The following AP5Z1 variants were observed in gnomAD, a reference collection of about 807,000 sequenced individuals.
AP5Z1 encodes adaptor related protein complex 5 subunit zeta 1.
Under a neutral mutation model 83.0 loss-of-function variants are expected in AP5Z1, and 106 were observed. The ratio of observed to expected loss-of-function variants is 1.28; its 90% confidence interval spans 1.09 to 1.50. The LOEUF (loss-of-function observed/expected upper bound fraction) is 1.50. AP5Z1 is among the 40% of genes most tolerant of loss of function. The pLI is 0.00. For missense variants in AP5Z1, 1,565 were observed against 1,094.2 expected, an observed-to-expected ratio of 1.43 and a Z score of -6.07; for synonymous variants, 751 against 514.1, an observed-to-expected ratio of 1.46 and a Z score of -6.23.
In AP5Z1 at chr7:4,790,599, G is replaced by C. The variant is rs376677708; in HGVS notation, c.1938+8G>C. 6.2e-7 allele frequency: 1 copy of C among 1,612,544 alleles called. No homozygotes were observed. Among genetic ancestry groups the C allele is most frequent in the Non-Finnish European group, 8.5e-7 (1 of 1,179,688 alleles). ...AGCCTCGTCACCAGCGTGGTAAGGC[G>C]GGCGCTGGCCTCCCACAGCCGCTCC... On this transcript the variant is annotated splice_region_variant and intron_variant, in intron 15 of 16. Coordinates refer to ENST00000649063, the MANE Select transcript of AP5Z1 (RefSeq NM_014855.3).
Position 4,788,839 on chromosome 7 carries a change from G to A in AP5Z1, c.1596-1G>A. On this transcript the variant is annotated splice_acceptor_variant, in intron 12 of 16. Coordinates refer to ENST00000649063, the MANE Select transcript of AP5Z1 (RefSeq NM_014855.3). LOFTEE classifies it high-confidence loss of function. ...CACTCACGGCCACACTGTGTCCTCA[G>A]GTTGGCGCCACTCCACCAGCTGCTG... is the stretch of plus-strand genomic sequence containing the variant. 6.2e-7 allele frequency: 1 copy of A among 1,603,864 alleles called. No homozygotes were observed. Among genetic ancestry groups the A allele is most frequent in the South Asian group, 1.1e-5 (1 of 89,974 alleles).
At chr7:4,778,598 G>C (rs1361914644) in intron 1 of AP5Z1, among the ~76,000 whole-genome samples, 1 of 151,958 alleles carries the variant, frequency 6.6e-6, no homozygotes, top group Non-Finnish European at 1.5e-5. Context: ...GCTGTTGAAG[G>C]GTTTGGGTGG....
At chr7:4,782,905 C>T (rs555204493) in intron 3 of AP5Z1, among the ~76,000 whole-genome samples, 1 of 152,164 alleles carries the variant, frequency 6.6e-6, no homozygotes, top group East Asian at 1.9e-4. Context: ...ACGGCCCTGC[C>T]CCTGTGCTGG....
At chr7:4,781,472 T>C in intron 2 of AP5Z1, 96 bp from the exon 3 acceptor site, 1 of 1,541,814 alleles carries the variant, frequency 6.5e-7, no homozygotes, top group Non-Finnish European at 8.8e-7. Flanking sequence ...CTCTGTCCAC[T>C]GGCCCAAGGG....
intron 3 of AP5Z1, 96 bp from the exon 4 acceptor site, chr7:4,783,220 C>T (rs1022921986): frequency 1.1e-5 from 16 of 1,454,144 alleles, no homozygotes; most frequent in Middle Eastern, 1.9e-4. Flanking sequence ...TCTCAGCGAC[C>T]GACGCTTCTC....
Position 4,781,436 on chromosome 7 carries a change from C to A in AP5Z1, c.179+124C>A, listed in dbSNP as rs772073443. 8.3e-5 allele frequency: 128 copies of A among 1,544,486 alleles called. 1 individual carries two copies. The highest frequency in any genetic ancestry group is 6.6e-4 in the Middle Eastern group (3 of 4,572). ...AGTCATTTGTCCACTTAAACCAGTG[C>A]TGAAGGTCCATCCTCATGTAAAATG... is the stretch of plus-strand genomic sequence containing the variant. On this transcript the variant is annotated intron_variant, in intron 2 of 16. Coordinates refer to ENST00000649063, the MANE Select transcript of AP5Z1 (RefSeq NM_014855.3).
rs769695255 is a variant in AP5Z1, at chr7:4,790,332, C to T, written c.1806-127C>T. ...CTGAGGCTGGCAGTCTTCTGTGTTC[C>T]TCTATCGGAGGGTGCAGCATACACC... On this transcript the variant is annotated intron_variant, in intron 14 of 16. Transcript: ENST00000649063. 5 of 1,556,438 alleles carry T rather than the reference C, an allele frequency of 3.2e-6. No homozygotes were observed. In the African/African-American group the frequency reaches 5.4e-5, roughly 17 times the overall value.
At chr7:4,790,065 CCCCCACCCACAG>C (rs1422805376) in intron 14 of AP5Z1, 136 bp downstream of exon 14, 20 of 1,207,096 alleles carry the variant, frequency 1.7e-5, no homozygotes, top group Non-Finnish European at 2.2e-5. Context: ...GACCCTGCCA[CCCCCACCCACAG>C]CCCCACACCC....
Position 4,789,840 on chromosome 7 carries a change from CG to C in AP5Z1, c.1719del (p.Ser574ProfsTer2), listed in dbSNP as rs1562413480. The C allele has an allele frequency of 7.7e-6, 12 of 1,551,888 alleles. No individual in the cohort carries two copies. The highest frequency in any genetic ancestry group is 2.0e-5 in the Admixed American group (1 of 51,252). ...FFSAVTQVADGSLINQLALLL... is the reference protein window; with the variant it reads ...FFSAVTQVADXSLINQLALLL... ...CCACTCCTGACCCCCAGGTGGCTGA[CG>C]GGTCCCTGATCAACCAGCTGGCGCT... is the stretch of plus-strand genomic sequence containing the variant. On this transcript the variant is annotated frameshift_variant, in exon 14 of 17. Coordinates refer to ENST00000649063, the MANE Select transcript of AP5Z1 (RefSeq NM_014855.3). LOFTEE classifies it high-confidence loss of function.
chr7:4,786,219 A>T, intron 9 of AP5Z1, 31 bp from the exon 10 acceptor site: 1 of 1,567,242 alleles, frequency 6.4e-7, no homozygotes. Context: ...CGAGGTCAAG[A>T]CGTGTGCCCT....
chr7:4,784,292 G>A lies in AP5Z1; in HGVS notation c.711G>A (p.Trp237Ter). 2 of 1,602,414 alleles carry A rather than the reference G, an allele frequency of 1.2e-6. No homozygotes were observed. Among genetic ancestry groups the A allele is most frequent in the Non-Finnish European group, 8.5e-7 (1 of 1,175,498 alleles). ...GCCACCGCTTCACAGACGACCAGTG[G>A]CTGAACGTGCAGGCCTTCTCTATGC... ...SSGHRFTDDQ[W>*]LNVQAFSMLR... is the part of the protein sequence containing the mutation. Residue 237 changes from tryptophan (W) to a stop codon, truncating the protein, a stop_gained, in exon 6 of 17, where the codon TGG becomes TGA. Transcript: ENST00000649063. LOFTEE classifies it high-confidence loss of function.
Position 4,790,736 on chromosome 7 carries a change from A to G in AP5Z1, c.2002A>G (p.Asn668Asp), listed in dbSNP as rs1781737724. 6.2e-7 allele frequency: 1 copy of G among 1,610,642 alleles called. No individual in the cohort carries two copies. Among genetic ancestry groups the G allele is most frequent in the Non-Finnish European group, 8.5e-7 (1 of 1,179,312 alleles). Residue 668 changes from asparagine (N) to aspartate (D), a missense_variant, in exon 16 of 17, where the codon AAC becomes GAC. Transcript: ENST00000649063. ...YDRRCTVEQI[N>D]KFFEALEALL... ...TCGGAGGTGCACCGTGGAGCAGATCAACAAGTTCTTCGAAGCCCTGGAGGC... is the reference window on the plus strand; with the variant it reads ...TCGGAGGTGCACCGTGGAGCAGATCGACAAGTTCTTCGAAGCCCTGGAGGC...
At chr7:4,777,669 G>A (rs1324249213) in intron 1 of AP5Z1, among the ~76,000 whole-genome samples, 3 of 152,288 alleles carry the variant, frequency 2.0e-5, no homozygotes, top group East Asian at 1.9e-4. Flanking sequence ...GATTACAGGT[G>A]TGAGCCACCA....
At chr7:4,787,113 C>G (rs571061447) in intron 10 of AP5Z1, among the ~76,000 whole-genome samples, 5 of 152,124 alleles carry the variant, frequency 3.3e-5, no homozygotes, top group African/African-American at 9.7e-5. Flanking sequence ...AGCCTCGCCT[C>G]GCTGTAAGGT....
rs1246972129 is a variant in AP5Z1, at chr7:4,788,159, C to G, written c.1460C>G (p.Ala487Gly). 6.4e-7 allele frequency: 1 copy of G among 1,551,290 alleles called. No homozygotes were observed. Among genetic ancestry groups the G allele is most frequent in the Non-Finnish European group, 8.7e-7 (1 of 1,148,250 alleles). The change falls in exon 12 of 17, where the codon GCA (alanine) becomes GGA (glycine). Residue 487 changes from alanine (A) to glycine (G), a missense_variant. Transcript: ENST00000649063. ...TAVLDLQLRS[A>G]PAASERPLWD... ...TTGGGCGTCTGTCCACGCAGGTCAG[C>G]ACCGGCTGCATCCGAGAGGCCACTC...
chr7:4,785,014 G>C lies in AP5Z1; in HGVS notation c.897G>C (p.Glu299Asp), dbSNP rs774728189. Residue 299 changes from glutamate (E) to aspartate (D), a missense_variant, in exon 7 of 17, where the codon GAG (glutamate) becomes GAC (aspartate). Transcript: ENST00000649063. ...AGCGGCTTCGGGAGGTGGCCTTCGAGTACTGCCAGCGCCTCATTGAGCAAA... is the reference window on the plus strand; with the variant it reads ...AGCGGCTTCGGGAGGTGGCCTTCGACTACTGCCAGCGCCTCATTGAGCAAA... ...PRERLREVAF[E>D]YCQRLIEQSN... is the part of the protein sequence containing the mutation. The C allele has an allele frequency of 1.9e-6, 3 of 1,610,670 alleles. No individual in the cohort carries two copies. Among genetic ancestry groups the C allele is most frequent in the South Asian group, 2.2e-5 (2 of 90,902 alleles).
At position 4,787,684 on chromosome 7, in the gene AP5Z1, C is replaced by A; in HGVS notation, c.1362C>A (p.Leu454=). The change falls in exon 11 of 17, where the codon CTC becomes CTA. Residue 454 remains leucine, a synonymous_variant. Transcript: ENST00000649063. ...PPLTSEFVAL[L]PALVDAGTAL... ...TCACCTCCGAGTTTGTGGCGCTCCTCCCGGCCCTGGTGGACGCTGGCACAG... is the reference window on the plus strand; with the variant it reads ...TCACCTCCGAGTTTGTGGCGCTCCTACCGGCCCTGGTGGACGCTGGCACAG... 1.3e-6 allele frequency: 2 copies of A among 1,552,858 alleles called. No homozygotes were observed.
Position 4,790,572 on chromosome 7 carries a change from C to G in AP5Z1, c.1919C>G (p.Ala640Gly), listed in dbSNP as rs562874262. 6.2e-7 allele frequency: 1 copy of G among 1,612,978 alleles called. No homozygotes were observed. ...LGSVNGLCSR[A>G]SLVTSVVWAI... ...AGCGTGAATGGTCTCTGCAGCAGGG[C>G]GAGCCTCGTCACCAGCGTGGTAAGG... Residue 640 changes from alanine (A) to glycine (G), a missense_variant, in exon 15 of 17, where the codon GCG (alanine) becomes GGG (glycine). Physicochemically the swap from Ala to Gly is moderately conservative, Grantham distance 60 (BLOSUM62 0). Transcript: ENST00000649063.
At chr7:4,790,649 C>A in intron 15 of AP5Z1, 24 bp from the exon 16 acceptor site, 2 of 1,612,120 alleles carry the variant, frequency 1.2e-6, no homozygotes, top group Non-Finnish European at 1.7e-6. Context: ...TGGGTGGGGG[C>A]TGAATCTCTG....
Sources: allele counts gnomAD v4.1 joint callset (sites outside exome capture counted in the v4.1 genomes callset), GRCh38; gene constraint gnomAD v4.1.1; transcripts MANE v1.5; gene names NCBI Gene and HGNC (gene_info 2026-07-23, HGNC 2026-07-21).